PTPRN2: variants seen among roughly 807,000 people sequenced by gnomAD.
PTPRN2 encodes the protein receptor-type tyrosine-protein phosphatase N2.
A neutral mutation model predicts 118.8 loss-of-function variants in PTPRN2; 74 were observed. That is an observed-to-expected ratio of 0.62 (90% CI 0.52 to 0.76). PTPRN2 has a LOEUF of 0.76. PTPRN2 is among the 30% of genes least tolerant of loss of function. The pLI, the probability that PTPRN2 is intolerant of heterozygous loss-of-function variation, is 0.00. For synonymous variants in PTPRN2, 641 were observed against 608.0 expected, an observed-to-expected ratio of 1.05 and a Z score of -0.80; for missense variants, 1,481 against 1,394.4, an observed-to-expected ratio of 1.06 and a Z score of -0.99.
intron 2 of PTPRN2, among the ~76,000 whole-genome samples, chr7:158,393,210 C>A (rs566939131): frequency 6.6e-6 from 1 of 152,198 alleles, no homozygotes; most frequent in Non-Finnish European, 1.5e-5. Context: ...CCTCACCCCA[C>A]GGCGTCTTTA....
intron 11 of PTPRN2, among the ~76,000 whole-genome samples, chr7:158,001,179 C>A (rs1805224549): frequency 9.7e-6 from 1 of 102,774 alleles, no homozygotes; most frequent in Non-Finnish European, 1.9e-5. Flanking sequence ...AGGTCTGGTG[C>A]AACGTGGGGC....
rs530246580 is a variant in PTPRN2 at position 157,787,157 on chromosome 7, G to A, written c.1789-104220C>T. On this transcript the variant is annotated intron_variant, in intron 12 of 22. Coordinates refer to ENST00000389418, the MANE Select transcript of PTPRN2 (RefSeq NM_002847.5). This position sits in a 1 kb window ranked among gnomAD's most constrained non-coding sequence, Gnocchi z 5.3. ...GGGTGGCTGCCCGGGAGGCGGACGC[G>A]GGTGCGGCGGGGGACGCGGGGGTGG... Among the ~76,000 whole-genome samples, 4 of 143,004 alleles carry A rather than the reference G, an allele frequency of 2.8e-5. No individual in the cohort carries two copies. The highest frequency in any genetic ancestry group is 4.1e-4 in the East Asian group (2 of 4,866). The allele number at this position is 143,004 out of a possible 152,430, so 93.8% of individuals were successfully genotyped here.
At chr7:158,114,159 G>A (rs1462705357) in intron 9 of PTPRN2, among the ~76,000 whole-genome samples, 1 of 152,244 alleles carries the variant, frequency 6.6e-6, no homozygotes, top group Non-Finnish European at 1.5e-5. Flanking sequence ...AGGTGAGGCT[G>A]CATCCACGTA....
At chr7:158,357,722 G>A (rs1200006797) in intron 2 of PTPRN2, among the ~76,000 whole-genome samples, 1 of 152,238 alleles carries the variant, frequency 6.6e-6, no homozygotes, top group Non-Finnish European at 1.5e-5. Flanking sequence ...TGTCCCGTAA[G>A]GTTCCAGGGA....
At chr7:157,904,541 C>T (rs1001017473) in intron 11 of PTPRN2, among the ~76,000 whole-genome samples, 3 of 152,224 alleles carry the variant, frequency 2.0e-5, no homozygotes, top group East Asian at 1.9e-4. Context: ...GCACAGAATC[C>T]GGGTCCCGGA....
chr7:158,318,575 C>T (rs144327845), intron 2 of PTPRN2, among the ~76,000 whole-genome samples: 1 of 152,212 alleles, frequency 6.6e-6, no homozygotes, highest in African/African-American at 2.4e-5. Flanking sequence ...GGCCGGCGGC[C>T]TCTTCCGATC....
intron 3 of PTPRN2, among the ~76,000 whole-genome samples, chr7:158,226,203 A>G (rs1828760685): frequency 2.0e-5 from 3 of 152,220 alleles, no homozygotes; most frequent in Admixed American, 2.0e-4. Context: ...AAGGGAAGGC[A>G]TTCAATAAGA....
rs192159022 is a variant in PTPRN2 at position 158,160,660 on chromosome 7, T to C, written c.910+6271A>G. On this transcript the variant is annotated intron_variant, in intron 6 of 22. Transcript: ENST00000389418. ...CATCTTGTCAAAAGCCTTAGGTTGT[T>C]CATCAGGGTATTTCAGATGCCTGCA... Among the ~76,000 whole-genome samples the C allele has an allele frequency of 2.4e-3, 366 of 152,296 alleles. 6 individuals carry two copies. The highest frequency in any genetic ancestry group is 1.5e-3 in the Non-Finnish European group (103 of 68,034).
Position 157,813,951 on chromosome 7 carries a change from C to T in PTPRN2, c.1788+84722G>A, listed in dbSNP as rs77507463. ...CCGCCGTGAGAGCCCCGACACAAGT[C>T]GCGGTTTGTGGTGCTTTGGAGGAGT... On this transcript the variant is annotated intron_variant, in intron 12 of 22. Coordinates refer to ENST00000389418, the MANE Select transcript of PTPRN2 (RefSeq NM_002847.5). The surrounding 1 kb of genome is among the most constrained non-coding windows in gnomAD (Gnocchi z 4.7). 0.055 allele frequency among the ~76,000 whole-genome samples: 8,354 copies of T among 152,352 alleles called. 318 individuals carry two copies. The highest frequency in any genetic ancestry group is 0.093 in the African/African-American group (3,871 of 41,580).
intron 1 of PTPRN2, among the ~76,000 whole-genome samples, chr7:158,523,531 GTCTGCCCTGGAATGGAGTCC>G (rs1470135540): frequency 0.019 from 1,262 of 67,864 alleles, 46 homozygotes; most frequent in South Asian, 0.029. Flanking sequence ...CTGGAGCAGA[GTCTGCCCTGGAATGGAGTCC>G]TCTGCCCTGG....
chr7:158,488,719 G>C (rs990765704), intron 2 of PTPRN2, among the ~76,000 whole-genome samples: 1 of 152,246 alleles, frequency 6.6e-6, no homozygotes, highest in Admixed American at 6.5e-5. Flanking sequence ...TAGTGGGTGC[G>C]AGGGGCCTCT....
At chr7:157,678,167 C>T (rs1260840871) in intron 13 of PTPRN2, among the ~76,000 whole-genome samples, 1 of 151,958 alleles carries the variant, frequency 6.6e-6, no homozygotes, top group Non-Finnish European at 1.5e-5. Context: ...CACAGGGTGC[C>T]CTTCATTTTT....
At position 157,754,050 on chromosome 7, in the gene PTPRN2, G is replaced by A. The variant is rs377099137; in HGVS notation, c.1789-71113C>T. 2.6e-5 allele frequency among the ~76,000 whole-genome samples: 4 copies of A among 152,368 alleles called. No individual in the cohort carries two copies. In the East Asian group the frequency reaches 5.8e-4, roughly 22 times the overall value. On this transcript the variant is annotated intron_variant, in intron 12 of 22. Coordinates refer to ENST00000389418, the MANE Select transcript of PTPRN2 (RefSeq NM_002847.5). Reference sequence around the variant, plus strand: ...GTGGGTGCTGGTGAGAGGCTGGGAGGACCAGGCGTTGTGGCTGGGATCTGT... The same window carrying A: ...GTGGGTGCTGGTGAGAGGCTGGGAGAACCAGGCGTTGTGGCTGGGATCTGT...
chr7:158,463,541 CATT>C (rs1206268697), intron 2 of PTPRN2, among the ~76,000 whole-genome samples: 4 of 152,074 alleles, frequency 2.6e-5, no homozygotes, highest in Admixed American at 6.5e-5. Context: ...ATATCATCAT[CATT>C]GTTATCACCA....
intron 12 of PTPRN2, among the ~76,000 whole-genome samples, chr7:157,875,841 G>A (rs1249468156): frequency 1.3e-5 from 2 of 150,738 alleles, no homozygotes; most frequent in African/African-American, 4.9e-5. Flanking sequence ...CCCCAGGCCA[G>A]GCGTCCCCAG....
At chr7:158,176,465 G>A (rs1383984873) in intron 5 of PTPRN2, among the ~76,000 whole-genome samples, 2 of 152,200 alleles carry the variant, frequency 1.3e-5, no homozygotes, top group East Asian at 1.9e-4. Context: ...TTCTCCCTAG[G>A]CTGTGTATGT....
chr7:158,470,234 A>G (rs149874880), intron 2 of PTPRN2, among the ~76,000 whole-genome samples: 86 of 152,384 alleles, frequency 5.6e-4, no homozygotes, highest in African/African-American at 1.9e-3. Context: ...TCTGTTTTGC[A>G]GAAAAACTAA....
At chr7:158,076,415 G>A (rs947108823) in intron 11 of PTPRN2, among the ~76,000 whole-genome samples, 6 of 152,352 alleles carry the variant, frequency 3.9e-5, no homozygotes, top group Middle Eastern at 3.4e-3. Context: ...GTGCATGGGA[G>A]TCAGATGAGG....
At chr7:158,325,384 C>A (rs1015055264) in intron 2 of PTPRN2, among the ~76,000 whole-genome samples, 12 of 150,702 alleles carry the variant, frequency 8.0e-5, no homozygotes, top group African/African-American at 2.9e-4. Flanking sequence ...TTTAACATTT[C>A]TTATTTATTT....
Sources: allele counts gnomAD v4.1 joint callset (sites outside exome capture counted in the v4.1 genomes callset), GRCh38; gene constraint gnomAD v4.1.1; non-coding constraint Gnocchi (gnomAD v3.1); transcripts MANE v1.5; gene names NCBI Gene and HGNC (gene_info 2026-07-23, HGNC 2026-07-21).